RFPL1: variants seen among roughly 807,000 people sequenced by gnomAD.
RFPL1 encodes ret finger protein-like 1.
RFPL1 carries 6 observed loss-of-function variants against 9.6 expected under a neutral mutation model. That is an observed-to-expected ratio of 0.62 (90% CI 0.34 to 1.23). RFPL1 has a LOEUF of 1.23. Ranked by LOEUF, RFPL1 falls within the 50% of genes most tolerant of loss-of-function variation. The pLI is 0.03. For missense variants in RFPL1, 352 were observed against 398.4 expected, an observed-to-expected ratio of 0.88 and a Z score of 0.99; for synonymous variants, 145 against 149.4, an observed-to-expected ratio of 0.97 and a Z score of 0.22.
At chr22:29,438,895 A>G in exon 1 of RFPL1, 1 of 1,613,986 alleles carries the variant, frequency 6.2e-7, no homozygotes, top group Non-Finnish European at 8.5e-7. Flanking sequence ...GCACTCTTCC[A>G]AGAAGCAAGC....
the RFPL1 span, among the ~76,000 whole-genome samples, chr22:29,414,827 T>G: frequency 1.3e-5 from 2 of 152,102 alleles, no homozygotes; most frequent in African/African-American, 2.4e-5. Context: ...TTTTTTTTTT[T>G]TTTAATTAGG....
the RFPL1 span, among the ~76,000 whole-genome samples, chr22:29,391,540 G>T: frequency 2.0e-5 from 3 of 152,114 alleles, no homozygotes; most frequent in Non-Finnish European, 4.4e-5. Flanking sequence ...AAACCTAAAG[G>T]TATCAAGCTG....
At chr22:29,404,125 GA>G in the RFPL1 span, among the ~76,000 whole-genome samples, 1 of 151,860 alleles carries the variant, frequency 6.6e-6, no homozygotes, top group South Asian at 2.1e-4. Context: ...TGATTCCCAA[GA>G]TAGGTTACAC....
chr22:29,388,218 G>A, the RFPL1 span, among the ~76,000 whole-genome samples: 1 of 152,192 alleles, frequency 6.6e-6, no homozygotes, highest in Non-Finnish European at 1.5e-5. Flanking sequence ...GGTATGGGGC[G>A]GCCGAGGAAC....
chr22:29,432,152 C>G, the RFPL1 span, among the ~76,000 whole-genome samples: 1 of 152,210 alleles, frequency 6.6e-6, no homozygotes. Flanking sequence ...CCTTCATTTG[C>G]AAGACATTAA....
At chr22:29,400,662 T>C in the RFPL1 span, among the ~76,000 whole-genome samples, 6 of 152,356 alleles carry the variant, frequency 3.9e-5, no homozygotes, top group Non-Finnish European at 8.8e-5. Context: ...TCCCTTCAAC[T>C]GTTCCCACAT....
the RFPL1 span, among the ~76,000 whole-genome samples, chr22:29,408,738 GCAGT>G: frequency 6.6e-6 from 1 of 152,198 alleles, no homozygotes; most frequent in East Asian, 1.9e-4. Flanking sequence ...ATTGAAAATG[GCAGT>G]CAAAGGACGG....
the RFPL1 span, among the ~76,000 whole-genome samples, chr22:29,424,080 T>C: frequency 1.8e-3 from 270 of 152,072 alleles, no homozygotes; most frequent in Non-Finnish European, 2.7e-3. Context: ...CTCAGGAGGC[T>C]GAGGCGGAAA....
At chr22:29,432,559 G>A in the RFPL1 span, among the ~76,000 whole-genome samples, 1 of 152,134 alleles carries the variant, frequency 6.6e-6, no homozygotes, top group Non-Finnish European at 1.5e-5. Context: ...GGCTAATAAA[G>A]GACTCCTGAA....
chr22:29,390,162 T>G, the RFPL1 span, among the ~76,000 whole-genome samples: 1 of 152,214 alleles, frequency 6.6e-6, no homozygotes, highest in Non-Finnish European at 1.5e-5. Context: ...TACTTGGCAC[T>G]TTCCAGTATC....
exon 2 of RFPL1, chr22:29,441,595 G>A (rs761628262): frequency 7.4e-6 from 12 of 1,613,526 alleles, no homozygotes; most frequent in East Asian, 4.5e-5. Flanking sequence ...CATTTCTGAC[G>A]ACCTCAGGAG....
rs1602921322 is a variant in RFPL1 at position 29,439,390 on chromosome 22, T to A, written c.373+226T>A. The A allele has an allele frequency of 7.8e-6, 5 of 640,880 alleles. No homozygotes were observed. The East Asian group carries it at 1.4e-4, about 18-fold the overall frequency. 39.7% of individuals were successfully genotyped at this position (640,880 alleles called of 1,614,324 possible). ...GGCTCATGCCTGTAATGTCAGCACT[T>A]TGGGAGGCCGAGGCGGGTGGATCAC... On this transcript the variant is annotated intron_variant, in intron 1 of 1. Coordinates refer to ENST00000354373, the Ensembl canonical transcript of RFPL1.
At chr22:29,425,077 G>A in the RFPL1 span, among the ~76,000 whole-genome samples, 69 of 151,238 alleles carry the variant, frequency 4.6e-4, no homozygotes, top group African/African-American at 1.4e-3. Context: ...GGTGGCAGGC[G>A]CCTGTAGTCC....
chr22:29,412,236 C>T, the RFPL1 span, among the ~76,000 whole-genome samples: 1 of 152,304 alleles, frequency 6.6e-6, no homozygotes, highest in East Asian at 1.9e-4. Flanking sequence ...ACCTGATCTT[C>T]CTGGGTCTGG....
chr22:29,437,558 T>C, upstream of RFPL1: 2 of 1,501,974 alleles, frequency 1.3e-6, no homozygotes, highest in Non-Finnish European at 1.8e-6. Flanking sequence ...AGTAAAAACC[T>C]AATTCCCTGT....
chr22:29,439,843 G>A (rs1403015852), intron 1 of RFPL1: 1 of 152,366 alleles, frequency 6.6e-6, no homozygotes, highest in Non-Finnish European at 1.5e-5. Flanking sequence ...CCAGGACTCT[G>A]ACATTTAAAT....
At chr22:29,401,130 C>T in the RFPL1 span, among the ~76,000 whole-genome samples, 1 of 152,220 alleles carries the variant, frequency 6.6e-6, no homozygotes, top group Non-Finnish European at 1.5e-5. Flanking sequence ...ATACCCATGG[C>T]TTCAATTGTA....
At chr22:29,442,218 A>G (rs1191191754) in exon 2 of RFPL1, 24 of 856,446 alleles carry the variant, frequency 2.8e-5, no homozygotes, top group Non-Finnish European at 4.2e-5. Context: ...ATACAAAGTC[A>G]TAGGAGAAAA....
the RFPL1 span, among the ~76,000 whole-genome samples, chr22:29,420,644 T>TG: frequency 7.4e-6 from 1 of 134,972 alleles, no homozygotes; most frequent in Admixed American, 7.4e-5. Context: ...CTTTTTTTTT[T>TG]TTTTTTTTTT....
Sources: gnomAD v4.1 joint callset for allele counts (sites outside exome capture counted in the v4.1 genomes callset) on GRCh38, gnomAD v4.1.1 for gene constraint, MANE v1.5 for transcripts, NCBI Gene and HGNC (gene_info 2026-07-23, HGNC 2026-07-21) for gene names.